The following PLEC variants were observed in gnomAD, a reference collection of about 807,000 sequenced individuals.
PLEC encodes hemidesmosomal protein 1.
Under a neutral mutation model 392.8 loss-of-function variants are expected in PLEC, and 216 were observed. That is an observed-to-expected ratio of 0.55 (90% CI 0.49 to 0.62). The LOEUF (loss-of-function observed/expected upper bound fraction) is 0.62, where lower values mean the gene tolerates loss of function less well. PLEC is among the 20% of genes least tolerant of loss of function. The probability of loss-of-function intolerance (pLI) is 0.00; values close to 1 mark genes in which losing one functional copy is unlikely to be tolerated. For missense variants in PLEC, 6,863 were observed against 6,563.4 expected, an observed-to-expected ratio of 1.05 and a Z score of -1.58; for synonymous variants, 3,621 against 2,980.6, an observed-to-expected ratio of 1.21 and a Z score of -7.00.
rs55836855 is a variant in PLEC at position 143,925,249 on chromosome 8, C to T, written c.4680G>A (p.Ala1560=). Reference sequence around the variant, plus strand: ...TCTCCAGGGCCACCTGTACCTGCCGCGCTCGCTCCACCTCGGCCTGCCGCA... The same window carrying T: ...TCTCCAGGGCCACCTGTACCTGCCGTGCTCGCTCCACCTCGGCCTGCCGCA... ...RRLRQAEVER[A]RQVQVALETA... Residue 1560 remains alanine, a synonymous_variant, in exon 31 of 32, where the codon GCG becomes GCA. Coordinates refer to ENST00000345136, the MANE Select transcript of PLEC (RefSeq NM_201384.3). 614,468 of 1,587,434 alleles carry T rather than the reference C, an allele frequency of 0.39. 125,381 individuals carry two copies. The highest frequency in any genetic ancestry group is 0.42 in the Non-Finnish European group (494,719 of 1,175,118).
rs376665854 is a variant in PLEC, at chr8:143,929,425, C to T, written c.3070G>A (p.Ala1024Thr). Reference protein sequence around the residue: ...EPARECAQRIAEQQKAQAEVE... With the variant: ...EPARECAQRITEQQKAQAEVE... The stretch of plus-strand genomic sequence containing the variant: ...GGGACGGCCCCTGCCTGCTGCTCGG[C>T]GATGCGCTGGGCACACTCCCGTGCC... The change falls in exon 24 of 32, where the codon GCC becomes ACC. Residue 1024 changes from alanine to threonine, a missense_variant. Transcript: ENST00000345136. The T allele has an allele frequency of 1.8e-4, 283 of 1,567,488 alleles. No individual in the cohort carries two copies. In the African/African-American group the frequency reaches 3.2e-3, roughly 17 times the overall value.
In PLEC at chr8:143,933,392, CCT is replaced by C. The variant is rs376732504; in HGVS notation, c.1264-43_1264-42del. ...CATGACTCGGAGCACAGCTGATCCC[CCT>C]CTGACCTCACAGGGGCCCCGGCCAA... On this transcript the variant is annotated intron_variant, in intron 12 of 31. Transcript: ENST00000345136. 284 of 1,602,776 alleles carry C rather than the reference CCT, an allele frequency of 1.8e-4. 6 individuals carry two copies. In the African/African-American group the frequency reaches 3.2e-3, roughly 18 times the overall value.
At chr8:143,973,839 G>A (rs1217184546), upstream of PLEC, among the ~76,000 whole-genome samples, 1 of 151,828 alleles carries the variant, frequency 6.6e-6, no homozygotes, top group Non-Finnish European at 1.5e-5. This position sits in a 1 kb window ranked among gnomAD's most constrained non-coding sequence, Gnocchi z 5.6. Context: ...CCTCCGAGAC[G>A]CTCCCCTGCC....
rs1554696849 is a variant in PLEC, at chr8:143,924,354, TCTC to T, written c.5572_5574del (p.Glu1858del). The T allele has an allele frequency of 6.3e-7, 1 of 1,596,588 alleles. No individual in the cohort carries two copies. The highest frequency in any genetic ancestry group is 1.7e-5 in the Admixed American group (1 of 59,878). ...CGCAGGCGCTCGTTCTCCGCCTCCT[TCTC>T]CTTGAGCGCGATCTCCGCCTCCGTC... On this transcript the variant is annotated inframe_deletion, in exon 31 of 32. Transcript: ENST00000345136.
Position 143,917,498 on chromosome 8 carries a change from C to T in PLEC, c.12323G>A (p.Cys4108Tyr). Residue 4108 changes from cysteine (C) to tyrosine (Y), a missense_variant, in exon 32 of 32, where the codon TGT becomes TAT. Coordinates refer to ENST00000345136, the MANE Select transcript of PLEC (RefSeq NM_201384.3). ...NLTYLQLMER[C>Y]ITDPQTGLCL... ...CAGGCCCGTCTGGGGGTCAGTGATA[C>T]AACGCTCCATCAGCTGCAGGTAGGT... 1 of 1,613,890 alleles carries T rather than the reference C, an allele frequency of 6.2e-7. No homozygotes were observed. Among genetic ancestry groups the T allele is most frequent in the Non-Finnish European group, 8.5e-7 (1 of 1,180,030 alleles).
At position 143,919,909 on chromosome 8, in the gene PLEC, G is replaced by A; in HGVS notation, c.9912C>T (p.Ser3304=). 1 of 1,613,140 alleles carries A rather than the reference G, an allele frequency of 6.2e-7. No homozygotes were observed. Among genetic ancestry groups the A allele is most frequent in the South Asian group, 1.1e-5 (1 of 91,088 alleles). Residue 3304 remains serine, a synonymous_variant, in exon 32 of 32, where the codon TCC becomes TCT. Transcript: ENST00000345136. ...GCACAGGGGCACGGAGGCCGCTGAA[G>A]GACAGCCTCTCCTGCCGCAGGGTCT... is the stretch of plus-strand genomic sequence containing the variant. The part of the protein sequence containing the change: ...EVETLRQERL[S]FSGLRAPVPA...
rs547652265 is a variant in PLEC at position 143,966,798 on chromosome 8, T to C, written c.70+6605A>G. ...GAAGCCGGATTGGTGGAAGGGGAGATGTTTACAATCATCCCTGTAACCCAC... is the reference window on the plus strand; with the variant it reads ...GAAGCCGGATTGGTGGAAGGGGAGACGTTTACAATCATCCCTGTAACCCAC... On this transcript the variant is annotated intron_variant, in intron 1 of 31. Coordinates refer to the PLEC transcript ENST00000356346. 7.7e-4 allele frequency among the ~76,000 whole-genome samples: 117 copies of C among 152,186 alleles called. 5 individuals carry two copies. In the South Asian group the frequency reaches 0.02, roughly 25 times the overall value.
At position 143,916,711 on chromosome 8, in the gene PLEC, G is replaced by A. The variant is rs187810163; in HGVS notation, c.13110C>T (p.Ala4370=). 4,919 of 1,612,880 alleles carry A rather than the reference G, an allele frequency of 3.0e-3. 252 individuals carry two copies. The Admixed American group carries it at 0.075, about 25-fold the overall frequency. The change falls in exon 32 of 32, where the codon GCC becomes GCT. Residue 4370 remains alanine, a synonymous_variant. Transcript: ENST00000345136. ...EDPRTKTKMS[A]AQALKKGWLY... ...GCCAGCCCTTCTTCAGGGCCTGGGCGGCCGACATCTTGGTCTTGGTGCGTG... is the reference window on the plus strand; with the variant it reads ...GCCAGCCCTTCTTCAGGGCCTGGGCAGCCGACATCTTGGTCTTGGTGCGTG...
At chr8:143,975,474 C>T, upstream of PLEC, 2 of 973,396 alleles carry the variant, frequency 2.1e-6, no homozygotes, top group Non-Finnish European at 3.2e-6. This position sits in a 1 kb window ranked among gnomAD's most constrained non-coding sequence, Gnocchi z 9.9. Flanking sequence ...ACTGAACTCT[C>T]CCCACCCAGC....
At chr8:143,937,760 T>C in intron 3 of PLEC, 1 of 501,408 alleles carries the variant, frequency 2.0e-6, no homozygotes. Flanking sequence ...AGGCGTGAGC[T>C]CCTGCTTACG....
rs782252261 is a variant in PLEC at position 143,933,122 on chromosome 8, A to G, written c.1419-11T>C. On this transcript the variant is annotated splice_polypyrimidine_tract_variant and intron_variant, in intron 13 of 31. Coordinates refer to ENST00000345136, the MANE Select transcript of PLEC (RefSeq NM_201384.3). ...TGCAGACGGTACACCCTGGGGCAGCAGAGGACTCAGGTAGGTGTTGGCGGG... is the reference window on the plus strand; with the variant it reads ...TGCAGACGGTACACCCTGGGGCAGCGGAGGACTCAGGTAGGTGTTGGCGGG... 6.3e-7 allele frequency: 1 copy of G among 1,598,426 alleles called. No homozygotes were observed. The highest frequency in any genetic ancestry group is 8.5e-7 in the Non-Finnish European group (1 of 1,175,010).
At chr8:143,937,892 G>A (rs1829474328) in intron 3 of PLEC, 16 of 635,766 alleles carry the variant, frequency 2.5e-5, no homozygotes, top group South Asian at 2.1e-4. Context: ...GTGTCCCGAC[G>A]CGGAGGGCGG....
chr8:143,932,280 C>T (rs1554716672), intron 16 of PLEC, 46 bp from the exon 17 acceptor site: 1 of 1,608,162 alleles, frequency 6.2e-7, no homozygotes, highest in South Asian at 1.1e-5. Flanking sequence ...CCACACCCGG[C>T]TCTGCCACGC....
At position 143,932,408 on chromosome 8, in the gene PLEC, T is replaced by A. The variant is rs199843296; in HGVS notation, c.1969A>T (p.Ser657Cys). 267 of 1,612,716 alleles carry A rather than the reference T, an allele frequency of 1.7e-4. 1 individual carries two copies. The African/African-American group carries it at 3.3e-3, about 20-fold the overall frequency. Reference sequence around the variant, plus strand: ...GCTGGGCCACCGCTCACCGAGTAGCTCTCCTTCTTGGCGGTCATGTTGGTG... The same window carrying A: ...GCTGGGCCACCGCTCACCGAGTAGCACTCCTTCTTGGCGGTCATGTTGGTG... ...RNTNMTAKKESYSALMRELEL... is the reference protein window; with the variant it reads ...RNTNMTAKKECYSALMRELEL... Residue 657 changes from serine (S) to cysteine (C), a missense_variant, in exon 16 of 32, where the codon AGC (serine) becomes TGC (cysteine). By Grantham distance (112) the Ser-to-Cys change is moderately radical (BLOSUM62 -1). Coordinates refer to ENST00000345136, the MANE Select transcript of PLEC (RefSeq NM_201384.3).
Position 143,937,075 on chromosome 8 carries a change from TGAGCGAG to T in PLEC, c.343-11_343-5del. On this transcript the variant is annotated splice_region_variant and splice_polypyrimidine_tract_variant and intron_variant, in intron 4 of 31. Coordinates refer to ENST00000345136, the MANE Select transcript of PLEC (RefSeq NM_201384.3). ...TCCTGATGTTCACCAGCTTCACCTG[TGAGCGAG>T]GGGCTCTCGGTCACGGCCCACAGGG... The T allele has an allele frequency of 1.2e-6, 2 of 1,612,444 alleles. No individual in the cohort carries two copies. The highest frequency in any genetic ancestry group is 1.7e-6 in the Non-Finnish European group (2 of 1,179,358).
upstream of PLEC, among the ~76,000 whole-genome samples, chr8:143,957,361 C>G (rs1832650755): frequency 6.6e-6 from 1 of 152,198 alleles, no homozygotes; most frequent in Non-Finnish European, 1.5e-5. Flanking sequence ...GACCCCCAGG[C>G]TGCAGTCGGG....
At position 143,933,126 on chromosome 8, in the gene PLEC, G is replaced by A. The variant is rs1044412633; in HGVS notation, c.1419-15C>T. On this transcript the variant is annotated splice_polypyrimidine_tract_variant and intron_variant, in intron 13 of 31. Transcript: ENST00000345136. The stretch of plus-strand genomic sequence containing the variant: ...GACGGTACACCCTGGGGCAGCAGAG[G>A]ACTCAGGTAGGTGTTGGCGGGCCTG... 3.1e-6 allele frequency: 5 copies of A among 1,601,440 alleles called. No individual in the cohort carries two copies. The highest frequency in any genetic ancestry group is 4.5e-5 in the East Asian group (2 of 44,570).
At chr8:143,941,390 G>C (rs1205999863), upstream of PLEC, among the ~76,000 whole-genome samples, 1 of 152,124 alleles carries the variant, frequency 6.6e-6, no homozygotes, top group Non-Finnish European at 1.5e-5. Flanking sequence ...CCACTAACAG[G>C]CCTCCAAAGA....
rs1554701973 is a variant in PLEC, at chr8:143,925,328, G to A, written c.4601C>T (p.Ala1534Val). The change falls in exon 31 of 32, where the codon GCC becomes GTC. Residue 1534 changes from alanine to valine, a missense_variant. Physicochemically the swap from Ala to Val is moderately conservative, Grantham distance 64. Coordinates refer to ENST00000345136, the MANE Select transcript of PLEC (RefSeq NM_201384.3). ...CCGCAGCTCCTCCAGGGCCTGCAGGGCCCGCTGCTTCTCGCGCGCCGCCTC... is the reference window on the plus strand; with the variant it reads ...CCGCAGCTCCTCCAGGGCCTGCAGGACCCGCTGCTTCTCGCGCGCCGCCTC... Reference protein sequence around the residue: ...EAEAAREKQRALQALEELRLQ... With the variant: ...EAEAAREKQRVLQALEELRLQ... 6.4e-7 allele frequency: 1 copy of A among 1,560,866 alleles called. No individual in the cohort carries two copies. The highest frequency in any genetic ancestry group is 8.6e-7 in the Non-Finnish European group (1 of 1,161,532).
Sources: gnomAD v4.1 joint callset for allele counts (sites outside exome capture counted in the v4.1 genomes callset) on GRCh38, gnomAD v4.1.1 for gene constraint, Gnocchi (gnomAD v3.1) non-coding constraint, MANE v1.5 for transcripts, NCBI Gene and HGNC (gene_info 2026-07-23, HGNC 2026-07-21) for gene names.